Variants in IQCH observed in about 807,000 individuals in gnomAD.
IQCH encodes IQ motif containing H, also known as IQ domain-containing protein H.
In IQCH, 98 loss-of-function variants were observed where a neutral mutation model predicts 117.0. That is an observed-to-expected ratio of 0.84 (90% CI 0.71 to 0.99). The LOEUF (loss-of-function observed/expected upper bound fraction) is 0.99. Ranked by LOEUF, IQCH falls within the 50% of genes least tolerant of loss-of-function variation. The pLI is 0.00. For missense variants in IQCH, 1,102 were observed against 1,243.8 expected, an observed-to-expected ratio of 0.89 and a Z score of 1.72; for synonymous variants, 412 against 448.2, an observed-to-expected ratio of 0.92 and a Z score of 1.02.
intron 3 of IQCH, among the ~76,000 whole-genome samples, chr15:67,264,454 G>C (rs1965586195): frequency 6.6e-6 from 1 of 152,210 alleles, no homozygotes; most frequent in Non-Finnish European, 1.5e-5. Flanking sequence ...TTGACAATGG[G>C]TGGAAGGACA....
intron 3 of IQCH, among the ~76,000 whole-genome samples, chr15:67,277,225 T>C (rs1966159775): frequency 6.6e-6 from 1 of 152,228 alleles, no homozygotes; most frequent in Non-Finnish European, 1.5e-5. Context: ...GTCCACTTTT[T>C]TCATTAGTGC....
rs1220375096 is a variant in IQCH at position 67,447,288 on chromosome 15, C to T, written c.2506-17839C>T. ...CTCTTTCCTTTCCCAAGTCTCCCTC[C>T]TTGAGTCTGTCCTACATGGTAGCTG... On this transcript the variant is annotated intron_variant, in intron 16 of 20. Coordinates refer to ENST00000335894, the MANE Select transcript of IQCH (RefSeq NM_001031715.3). The surrounding 1 kb of genome is among the most constrained non-coding windows in gnomAD (Gnocchi z 5.3). Among the ~76,000 whole-genome samples, 5 of 152,114 alleles carry T rather than the reference C, an allele frequency of 3.3e-5. No homozygotes were observed. Among genetic ancestry groups the T allele is most frequent in the African/African-American group, 1.2e-4 (5 of 41,374 alleles).
At chr15:67,259,945 C>T (rs1015301390) in intron 1 of IQCH, among the ~76,000 whole-genome samples, 1 of 152,242 alleles carries the variant, frequency 6.6e-6, no homozygotes, top group African/African-American at 2.4e-5. Context: ...CCAGATGTGT[C>T]TGCCAGACTG....
intron 18 of IQCH, among the ~76,000 whole-genome samples, chr15:67,483,921 C>G (rs2083404316): frequency 6.6e-6 from 1 of 152,130 alleles, no homozygotes; most frequent in South Asian, 2.1e-4. Flanking sequence ...GCAGATATTT[C>G]AAAAGTCACA....
intron 16 of IQCH, among the ~76,000 whole-genome samples, chr15:67,421,798 G>A (rs1466418317): frequency 6.6e-6 from 1 of 152,142 alleles, no homozygotes; most frequent in Non-Finnish European, 1.5e-5. Flanking sequence ...AGGTACAGTT[G>A]GAGTTAAAGA....
intron 4 of IQCH, among the ~76,000 whole-genome samples, chr15:67,327,329 T>G (rs1968455949): frequency 6.6e-6 from 1 of 152,152 alleles, no homozygotes; most frequent in South Asian, 2.1e-4. Flanking sequence ...GGTCATCTAT[T>G]TAAAAACCTA....
chr15:67,315,405 G>A (rs1180278330), intron 4 of IQCH, among the ~76,000 whole-genome samples: 3 of 151,976 alleles, frequency 2.0e-5, no homozygotes, highest in Non-Finnish European at 2.9e-5. Context: ...AGTGTTTTAT[G>A]GATACTGAGA....
In IQCH at chr15:67,400,143, T is replaced by C; in HGVS notation, c.1935T>C (p.Thr645=). 1.2e-6 allele frequency: 2 copies of C among 1,613,934 alleles called. No homozygotes were observed. The highest frequency in any genetic ancestry group is 1.7e-6 in the Non-Finnish European group (2 of 1,179,898). Residue 645 remains threonine (T), a synonymous_variant, in exon 14 of 21, where the codon ACT becomes ACC. Transcript: ENST00000335894. ...QMIEQLSQLI[T]DHLQIQRWLF... is the part of the protein sequence containing the mutation. ...TAGAGCAGCTGAGTCAGCTGATAAC[T>C]GATCACCTGCAAATACAGCGTTGGC...
chr15:67,490,049 A>C lies in IQCH; in HGVS notation c.2846A>C (p.His949Pro). The change falls in exon 19 of 21, where the codon CAC (histidine) becomes CCC (proline). Residue 949 changes from histidine to proline, a missense_variant. His to Pro is a moderately conservative substitution (Grantham distance 77). Transcript: ENST00000335894. This position sits in a 1 kb window ranked among gnomAD's most constrained non-coding sequence, Gnocchi z 4.9. ...VFILYEHLKRHKLGMLTIGED... is the reference protein window; with the variant it reads ...VFILYEHLKRPKLGMLTIGED... ...ATATTATATGAGCACCTGAAGAGAC[A>C]CAAGTTGGGAATGTTGTGAGTATGA... 1 of 1,611,810 alleles carries C rather than the reference A, an allele frequency of 6.2e-7. No homozygotes were observed. Among genetic ancestry groups the C allele is most frequent in the Non-Finnish European group, 8.5e-7 (1 of 1,177,970 alleles).
chr15:67,277,259 C>T (rs8025198), intron 3 of IQCH, among the ~76,000 whole-genome samples: 151,402 of 152,320 alleles, frequency 0.99, 75,256 homozygotes, highest in Non-Finnish European at 1. Flanking sequence ...ATCAGAGTTA[C>T]TTTAAATTTC....
At chr15:67,492,799 G>T (rs60968216) in intron 19 of IQCH, among the ~76,000 whole-genome samples, 1 of 152,128 alleles carries the variant, frequency 6.6e-6, no homozygotes, top group African/African-American at 2.4e-5. Flanking sequence ...GTGGGTACTC[G>T]GGCATAGAGG....
Position 67,400,268 on chromosome 15 carries a change from G to A in IQCH, c.2060G>A (p.Arg687Lys). ...CYKWVLKESS[R>K]YGLEDWRKKW... ...AAATGGGTGCTAAAGGAGAGTAGCA[G>A]ATATGGCCTTGAAGACTGGAGAAAG... Residue 687 changes from arginine (R) to lysine (K), a missense_variant, in exon 14 of 21, where the codon AGA becomes AAA. Arg to Lys is a conservative substitution (Grantham distance 26). Around this residue, in one of 2 missense-constraint regions of IQCH, gnomAD observed 650 missense variants for 794.3 expected, o/e 0.82. Transcript: ENST00000335894. The A allele has an allele frequency of 6.2e-7, 1 of 1,613,670 alleles. No individual in the cohort carries two copies. The highest frequency in any genetic ancestry group is 8.5e-7 in the Non-Finnish European group (1 of 1,179,716).
At chr15:67,464,873 C>T (rs1051416445) in intron 16 of IQCH, among the ~76,000 whole-genome samples, 3 of 152,226 alleles carry the variant, frequency 2.0e-5, no homozygotes, top group South Asian at 2.1e-4. Flanking sequence ...TTGCAAGACT[C>T]GGCATCTCTG....
intron 18 of IQCH, among the ~76,000 whole-genome samples, chr15:67,477,041 CTTCTTTTTTTT>C (rs1596466457): frequency 8.2e-6 from 1 of 121,560 alleles, no homozygotes; most frequent in South Asian, 2.8e-4. Context: ...TTTTCTTTTT[CTTCTTTTTTTT>C]TTTTTTTTTT....
chr15:67,448,633 A>G (rs1024681998), intron 16 of IQCH, among the ~76,000 whole-genome samples: 7 of 152,104 alleles, frequency 4.6e-5, no homozygotes, highest in African/African-American at 1.7e-4. Flanking sequence ...GTTGTTGGAC[A>G]TTTAGGTTGG....
At chr15:67,255,600 CTT>C (rs1490579013) in intron 1 of IQCH, among the ~76,000 whole-genome samples, 2 of 152,206 alleles carry the variant, frequency 1.3e-5, no homozygotes, top group Admixed American at 1.3e-4. Flanking sequence ...TGTGAGGTAA[CTT>C]TAAGATATTT....
chr15:67,283,867 C>T (rs776946341), intron 4 of IQCH, among the ~76,000 whole-genome samples: 1 of 152,066 alleles, frequency 6.6e-6, no homozygotes, highest in Admixed American at 6.5e-5. Context: ...ATTTACCAAA[C>T]ATTTTCAAAT....
chr15:67,272,092 C>T (rs1965919725), intron 3 of IQCH, among the ~76,000 whole-genome samples: 2 of 151,866 alleles, frequency 1.3e-5, no homozygotes, highest in African/African-American at 4.8e-5. Flanking sequence ...TTTCACTGCC[C>T]CATAATTTTG....
At chr15:67,438,729 C>T (rs529611674) in intron 16 of IQCH, among the ~76,000 whole-genome samples, 10 of 152,120 alleles carry the variant, frequency 6.6e-5, no homozygotes, top group South Asian at 2.1e-4. Flanking sequence ...TTCATGCAAC[C>T]GGACACCAAA....
Sources: allele counts gnomAD v4.1 joint callset (sites outside exome capture counted in the v4.1 genomes callset), GRCh38; gene constraint gnomAD v4.1.1; regional missense constraint gnomAD v4.1.1; non-coding constraint Gnocchi (gnomAD v3.1); transcripts MANE v1.5; gene names NCBI Gene and HGNC (gene_info 2026-07-23, HGNC 2026-07-21).